The following ZNF143 variants were observed in gnomAD, a reference collection of about 807,000 sequenced individuals.
ZNF143 encodes the protein SPH-binding factor.
ZNF143 carries 49 observed loss-of-function variants against 74.1 expected under a neutral mutation model. The ratio of observed to expected loss-of-function variants is 0.66; its 90% CI spans 0.53 to 0.84. The LOEUF (loss-of-function observed/expected upper bound fraction) is 0.84, where lower values mean the gene tolerates loss of function less well. Among genes scored for constraint, ZNF143 ranks in the 40% least tolerant of loss-of-function variants. The pLI is 0.00. For synonymous variants in ZNF143, 304 were observed against 282.8 expected, an observed-to-expected ratio of 1.07 and a Z score of -0.75; for missense variants, 637 against 793.4, an observed-to-expected ratio of 0.80 and a Z score of 2.37.
At chr11:9,503,546 ATCTG>A (rs1339652528) in intron 11 of ZNF143, among the ~76,000 whole-genome samples, 5 of 151,502 alleles carry the variant, frequency 3.3e-5, no homozygotes, top group African/African-American at 1.2e-4. Flanking sequence ...AGTTGTTATT[ATCTG>A]TCTTTTTTTA....
chr11:9,485,717 C>A (rs1412698615), intron 7 of ZNF143, among the ~76,000 whole-genome samples: 2 of 151,430 alleles, frequency 1.3e-5, no homozygotes, highest in Non-Finnish European at 2.9e-5. Flanking sequence ...TGCCACACTT[C>A]TAGGATTGTT....
chr11:9,510,128 T>A (rs1025466197), intron 12 of ZNF143, among the ~76,000 whole-genome samples: 6 of 151,288 alleles, frequency 4.0e-5, no homozygotes, highest in Non-Finnish European at 8.8e-5. Flanking sequence ...TTCTTTTTTT[T>A]TTTTTTTTAT....
intron 14 of ZNF143, among the ~76,000 whole-genome samples, chr11:9,521,262 TTAGAG>T (rs1380436330): frequency 1.3e-5 from 2 of 152,210 alleles, no homozygotes; most frequent in Non-Finnish European, 2.9e-5. Flanking sequence ...TCATACTCTA[TTAGAG>T]TATTTTTACT....
Position 9,527,727 on chromosome 11 carries a change from C to T in ZNF143, c.*114C>T. 2 of 888,866 alleles carry T rather than the reference C, an allele frequency of 2.3e-6. No homozygotes were observed. The highest frequency in any genetic ancestry group is 3.5e-6 in the Non-Finnish European group (2 of 565,194). The allele number at this position is 888,866 out of a possible 1,614,324, so 55.1% of individuals were successfully genotyped here. On this transcript the variant is annotated 3_prime_UTR_variant, in exon 16 of 16. Coordinates refer to ENST00000396602, the MANE Select transcript of ZNF143 (RefSeq NM_003442.6). ...AGTTTTCCATTCCTGATACACTGTA[C>T]ACATTTTTATGCGAGAGTGGAGAAC... is the stretch of plus-strand genomic sequence containing the variant.
chr11:9,473,330 G>T (rs895689917), intron 3 of ZNF143, among the ~76,000 whole-genome samples: 2 of 150,668 alleles, frequency 1.3e-5, no homozygotes, highest in African/African-American at 2.4e-5. Context: ...GGCAGAGGTT[G>T]CAGTGAGCCG....
intron 4 of ZNF143, 41 bp from the exon 5 acceptor site, chr11:9,474,509 G>T (rs1357319507): frequency 3.1e-6 from 5 of 1,598,872 alleles, no homozygotes; most frequent in Non-Finnish European, 3.4e-6. Flanking sequence ...ATTGGAATGT[G>T]CTAGAAAACA....
At chr11:9,461,456 C>G (rs1404490865) in intron 1 of ZNF143, among the ~76,000 whole-genome samples, 2 of 152,116 alleles carry the variant, frequency 1.3e-5, no homozygotes, top group Non-Finnish European at 2.9e-5. Context: ...CAGAGCGAGT[C>G]CCCAGGCGCC....
chr11:9,496,833 A>G (rs1182543481), intron 9 of ZNF143, among the ~76,000 whole-genome samples: 1 of 151,924 alleles, frequency 6.6e-6, no homozygotes, highest in Non-Finnish European at 1.5e-5. Flanking sequence ...CCTGGTCTCA[A>G]GTAATCCGTC....
At chr11:9,518,884 C>T (rs995406709) in intron 14 of ZNF143, among the ~76,000 whole-genome samples, 20 of 152,162 alleles carry the variant, frequency 1.3e-4, no homozygotes, top group African/African-American at 4.8e-4. Flanking sequence ...TGTACTCTTG[C>T]ATTGAGGATT....
At chr11:9,524,045 CAAAAAAAAA>C (rs533664056) in intron 14 of ZNF143, among the ~76,000 whole-genome samples, 1 of 86,768 alleles carries the variant, frequency 1.2e-5, no homozygotes, top group Non-Finnish European at 2.3e-5. Context: ...GAGACTACCT[CAAAAAAAAA>C]AAAAAAAAAA....
At position 9,497,795 on chromosome 11, in the gene ZNF143, A is replaced by G; in HGVS notation, c.962A>G (p.His321Arg). 1 of 1,596,376 alleles carries G rather than the reference A, an allele frequency of 6.3e-7. No individual in the cohort carries two copies. The highest frequency in any genetic ancestry group is 8.5e-7 in the Non-Finnish European group (1 of 1,173,190). ...SGDLQKHIRTHTGERPFKCPF... is the reference protein window; with the variant it reads ...SGDLQKHIRTRTGERPFKCPF... ...GATCTACAGAAACACATCAGAACTC[A>G]TACAGGTACTAGTGGAAACAGAGTG... Residue 321 changes from histidine (H) to arginine (R), a missense_variant, in exon 10 of 16, where the codon CAT becomes CGT. Coordinates refer to ENST00000396602, the MANE Select transcript of ZNF143 (RefSeq NM_003442.6).
At chr11:9,500,813 T>C (rs1391447701) in intron 10 of ZNF143, among the ~76,000 whole-genome samples, 1 of 152,248 alleles carries the variant, frequency 6.6e-6, no homozygotes, top group African/African-American at 2.4e-5. Context: ...TTCTCTCTGC[T>C]TTTCTCAGCT....
chr11:9,474,937 G>A (rs1856789824), intron 5 of ZNF143, among the ~76,000 whole-genome samples: 1 of 152,128 alleles, frequency 6.6e-6, no homozygotes, highest in Non-Finnish European at 1.5e-5. Flanking sequence ...TGCCAGGCTG[G>A]ATTGTGGTGG....
rs1187395861 is a variant in ZNF143, at chr11:9,499,284, A to T, written c.967+1484A>T. Among the ~76,000 whole-genome samples, 4 of 152,228 alleles carry T rather than the reference A, an allele frequency of 2.6e-5. No individual in the cohort carries two copies. In the East Asian group the frequency reaches 7.7e-4, roughly 29 times the overall value. On this transcript the variant is annotated intron_variant, in intron 10 of 15. Transcript: ENST00000396602. ...TGTTACAGAATCAGAGTAGTAATAC[A>T]GTGAAAATTATCCTAGAACAGTTGA...
At chr11:9,463,136 A>C (rs996503980) in intron 1 of ZNF143, among the ~76,000 whole-genome samples, 1 of 152,200 alleles carries the variant, frequency 6.6e-6, no homozygotes, top group Non-Finnish European at 1.5e-5. Flanking sequence ...TTGCCAAATG[A>C]TATTTCATTG....
chr11:9,512,734 G>C lies in ZNF143; in HGVS notation c.1524+138G>C, dbSNP rs1192642998. Reference sequence around the variant, plus strand: ...AAACCCTGAGGTTTTTCAGTAGTCTGCTTACAGAGACTACGTGCAGAGAGA... The same window carrying C: ...AAACCCTGAGGTTTTTCAGTAGTCTCCTTACAGAGACTACGTGCAGAGAGA... On this transcript the variant is annotated intron_variant, in intron 13 of 15. Coordinates refer to ENST00000396602, the MANE Select transcript of ZNF143 (RefSeq NM_003442.6). The C allele has an allele frequency of 2.3e-5, 22 of 936,176 alleles. 1 individual carries two copies. The South Asian group carries it at 3.5e-4, about 15-fold the overall frequency. 58.0% of individuals were successfully genotyped at this position (936,176 alleles called of 1,614,324 possible). A position where few individuals can be genotyped will look rare whatever the true frequency, so the allele number is the denominator to read the frequency against.
chr11:9,463,968 C>T (rs1257171515), intron 1 of ZNF143: 1 of 151,970 alleles, frequency 6.6e-6, no homozygotes, highest in Non-Finnish European at 1.5e-5. Context: ...TACTTTTCTG[C>T]AACTTGCTTT....
At chr11:9,486,424 ATATATTATATATATAATATATT>A (rs1565039319) in intron 7 of ZNF143, among the ~76,000 whole-genome samples, 10 of 46,644 alleles carry the variant, frequency 2.1e-4, no homozygotes, top group Non-Finnish European at 3.3e-4. Flanking sequence ...TATATATTAT[ATATATTATATATATAATATATT>A]ATATATATTA....
Position 9,484,837 on chromosome 11 carries a change from G to A in ZNF143, c.645+5291G>A, listed in dbSNP as rs536787941. ...TTTTGAGACGGAGTCTAGCTCTGTC[G>A]CCCAGGCTGGAGTGCAGTGGCGCGA... On this transcript the variant is annotated intron_variant, in intron 7 of 15. Transcript: ENST00000396602. Among the ~76,000 whole-genome samples, 12 of 113,300 alleles carry A rather than the reference G, an allele frequency of 1.1e-4. No homozygotes were observed. In the South Asian group the frequency reaches 1.2e-3, roughly 11 times the overall value. 74.3% of individuals were successfully genotyped at this position (113,300 alleles called of 152,430 possible).
Sources: allele counts gnomAD v4.1 joint callset (sites outside exome capture counted in the v4.1 genomes callset), GRCh38; gene constraint gnomAD v4.1.1; transcripts MANE v1.5; gene names NCBI Gene and HGNC (gene_info 2026-07-23, HGNC 2026-07-21).